The following STX8 variants were observed in gnomAD, a reference collection of about 807,000 sequenced individuals.
The protein encoded by STX8 is syntaxin-8.
STX8 carries 23 observed loss-of-function variants against 37.5 expected under a neutral mutation model. The ratio of observed to expected loss-of-function variants is 0.61; its 90% CI spans 0.44 to 0.87. The LOEUF (loss-of-function observed/expected upper bound fraction) is 0.87. Among genes scored for constraint, STX8 ranks in the 40% least tolerant of loss-of-function variants. The pLI, the probability that STX8 is intolerant of heterozygous loss-of-function variation, is 0.00. For synonymous variants in STX8, 115 were observed against 99.1 expected (o/e 1.16, Z -0.95); for missense variants, 313 against 284.7 (o/e 1.10, Z -0.71).
chr17:9,450,584 C>T (rs759751936), intron 6 of STX8, among the ~76,000 whole-genome samples: 4 of 151,816 alleles, frequency 2.6e-5, no homozygotes, highest in South Asian at 2.1e-4. Context: ...CATGCAGCTG[C>T]GCCTGACTTC....
rs150860262 is a variant in STX8 at position 9,396,644 on chromosome 17, A to G, written c.542-17991T>C. 4.4e-3 allele frequency among the ~76,000 whole-genome samples: 636 copies of G among 143,988 alleles called. 5 individuals are homozygous for G. The highest frequency in any genetic ancestry group is 0.014 in the African/African-American group (568 of 40,046). The allele number at this position is 143,988 out of a possible 152,430, so 94.5% of individuals were successfully genotyped here. ...AGATTCGCTTGAACCCAGGAGGCGG[A>G]GGTTGCAGTGAGTCGAGATCGAGCC... On this transcript the variant is annotated intron_variant, in intron 6 of 7. Transcript: ENST00000306357.
At chr17:9,314,885 C>T (rs1369373943) in intron 7 of STX8, among the ~76,000 whole-genome samples, 12 of 150,478 alleles carry the variant, frequency 8.0e-5, no homozygotes, top group South Asian at 4.2e-4. Flanking sequence ...GGGCAGATCA[C>T]GAGGTCAAGA....
At chr17:9,398,178 G>C (rs374966938) in intron 6 of STX8, among the ~76,000 whole-genome samples, 7 of 152,252 alleles carry the variant, frequency 4.6e-5, no homozygotes, top group Non-Finnish European at 8.8e-5. Context: ...AATGGGGAAG[G>C]AGTAACTTCG....
At chr17:9,278,650 T>C (rs1054356654) in intron 7 of STX8, among the ~76,000 whole-genome samples, 14 of 152,052 alleles carry the variant, frequency 9.2e-5, no homozygotes, top group African/African-American at 3.4e-4. Flanking sequence ...AGCTGACATA[T>C]CAAAAAGTTC....
intron 6 of STX8, among the ~76,000 whole-genome samples, chr17:9,397,278 C>A (rs1912437319): frequency 6.6e-6 from 1 of 152,184 alleles, no homozygotes; most frequent in Non-Finnish European, 1.5e-5. Flanking sequence ...TGCCTGTAAT[C>A]TCAGCTACTC....
At chr17:9,415,200 C>T (rs1381932732) in intron 6 of STX8, among the ~76,000 whole-genome samples, 1 of 152,148 alleles carries the variant, frequency 6.6e-6, no homozygotes, top group African/African-American at 2.4e-5. Flanking sequence ...CTAGCATCTT[C>T]AAACCTCTTT....
intron 7 of STX8, among the ~76,000 whole-genome samples, chr17:9,333,640 T>C (rs375253119): frequency 2.0e-4 from 31 of 152,292 alleles, no homozygotes; most frequent in South Asian, 1.0e-3. Flanking sequence ...CCGCCCGCCT[T>C]GGCCTCCCAA....
chr17:9,416,483 C>T (rs1168625820), intron 6 of STX8, among the ~76,000 whole-genome samples: 1 of 152,126 alleles, frequency 6.6e-6, no homozygotes, highest in African/African-American at 2.4e-5. Context: ...AATTCTCTGC[C>T]TCGGCCTCCC....
intron 2 of STX8, among the ~76,000 whole-genome samples, chr17:9,567,571 C>T (rs573288398): frequency 1.3e-5 from 2 of 152,314 alleles, no homozygotes; most frequent in South Asian, 4.1e-4. Flanking sequence ...AGATTTGAAT[C>T]AGAGGCTTCT....
intron 5 of STX8, among the ~76,000 whole-genome samples, chr17:9,499,438 C>T (rs1002701730): frequency 6.6e-6 from 1 of 152,108 alleles, no homozygotes; most frequent in Non-Finnish European, 1.5e-5. Context: ...CTTGCCCTGT[C>T]GCCAGGCTGG....
In STX8 at chr17:9,293,481, T is replaced by G. The variant is rs558699689; in HGVS notation, c.644-42836A>C. 4.0e-3 allele frequency among the ~76,000 whole-genome samples: 608 copies of G among 152,194 alleles called. 8 individuals are homozygous for G. The highest frequency in any genetic ancestry group is 0.014 in the African/African-American group (564 of 41,508). On this transcript the variant is annotated intron_variant, in intron 7 of 7. Coordinates refer to ENST00000306357, the MANE Select transcript of STX8 (RefSeq NM_004853.3). ...TGGAATTTTAGAGACTTTTTTTTTT[T>G]TTAATGAGAACATTATAACTTGGGC... is the stretch of plus-strand genomic sequence containing the variant.
intron 4 of STX8, among the ~76,000 whole-genome samples, chr17:9,515,002 G>A (rs1048929107): frequency 1.3e-5 from 2 of 152,058 alleles, no homozygotes; most frequent in African/African-American, 2.4e-5. Context: ...CATTTACTTC[G>A]TAGTTATTAT....
chr17:9,398,772 G>A (rs1207386759), intron 6 of STX8, among the ~76,000 whole-genome samples: 1 of 152,014 alleles, frequency 6.6e-6, no homozygotes, highest in Non-Finnish European at 1.5e-5. Context: ...CATCTGGCTG[G>A]GTGCAGTGCT....
At chr17:9,354,318 C>CTTTTTTTTTT (rs35460018) in intron 7 of STX8, among the ~76,000 whole-genome samples, 2 of 119,752 alleles carry the variant, frequency 1.7e-5, no homozygotes, top group African/African-American at 6.4e-5. Context: ...AATTGTCTCA[C>CTTTTTTTTTT]TTTTTTTTTT....
chr17:9,569,915 C>G (rs890676684), intron 1 of STX8: 1 of 152,158 alleles, frequency 6.6e-6, no homozygotes, highest in Non-Finnish European at 1.5e-5. Context: ...CCATTGCACT[C>G]CAGCCCGGCG....
intron 7 of STX8, among the ~76,000 whole-genome samples, chr17:9,335,772 C>T (rs1359406654): frequency 6.6e-6 from 1 of 151,742 alleles, no homozygotes; most frequent in Non-Finnish European, 1.5e-5. Flanking sequence ...ATTATAGTTA[C>T]ACTAATACAA....
chr17:9,289,787 C>A (rs113940314), intron 7 of STX8, among the ~76,000 whole-genome samples: 6 of 150,610 alleles, frequency 4.0e-5, no homozygotes, highest in Non-Finnish European at 3.0e-5. Flanking sequence ...CTCAAAAAAA[C>A]AAAAACAAAA....
At chr17:9,524,636 T>C (rs546157357) in intron 4 of STX8, among the ~76,000 whole-genome samples, 2 of 152,276 alleles carry the variant, frequency 1.3e-5, no homozygotes, top group East Asian at 3.9e-4. Flanking sequence ...ATTCAAGACA[T>C]ACAAAAGTCA....
chr17:9,505,247 C>G, intron 4 of STX8, 85 bp from the exon 5 acceptor site: 1 of 1,474,246 alleles, frequency 6.8e-7, no homozygotes, highest in Non-Finnish European at 9.1e-7. Context: ...AGGTGGCCAG[C>G]CTTGAATGCT....
Sources: allele counts gnomAD v4.1 joint callset (sites outside exome capture counted in the v4.1 genomes callset), GRCh38; gene constraint gnomAD v4.1.1; transcripts MANE v1.5; gene names NCBI Gene and HGNC (gene_info 2026-07-23, HGNC 2026-07-21).